The following AP4S1 variants were observed in gnomAD, a reference collection of about 807,000 sequenced individuals.
AP4S1 encodes the protein AP-4 complex subunit sigma-1.
AP4S1 carries 23 observed loss-of-function variants against 19.8 expected under a neutral mutation model. The observed-to-expected ratio is 1.16, with a 90% confidence interval of 0.84 to 1.65. The LOEUF (loss-of-function observed/expected upper bound fraction) is 1.65, where lower values mean the gene tolerates loss of function less well. Ranked by LOEUF, AP4S1 falls within the 40% of genes most tolerant of loss-of-function variation. The pLI is 0.00. For synonymous variants in AP4S1, 46 were observed against 54.1 expected (o/e 0.85, Z 0.66); for missense variants, 166 against 172.8 (o/e 0.96, Z 0.22).
At chr14:31,070,194 A>T (rs1202095947) in intron 3 of AP4S1, among the ~76,000 whole-genome samples, 2 of 152,046 alleles carry the variant, frequency 1.3e-5, no homozygotes, top group East Asian at 3.9e-4. Flanking sequence ...GGGTTTCACC[A>T]TCGAGGCCAA....
At chr14:31,064,181 T>C (rs969479550) in intron 1 of AP4S1, among the ~76,000 whole-genome samples, 4 of 152,190 alleles carry the variant, frequency 2.6e-5, no homozygotes, top group Admixed American at 6.5e-5. Flanking sequence ...CATGGATCCA[T>C]GCATGTGCTT....
At chr14:31,028,479 A>G (rs543559365) in intron 1 of AP4S1, among the ~76,000 whole-genome samples, 14 of 152,240 alleles carry the variant, frequency 9.2e-5, no homozygotes, top group Non-Finnish European at 1.5e-4. Flanking sequence ...TTAAAGTACT[A>G]TTTATCTTAG....
At chr14:31,052,043 G>A (rs1885826255) in intron 1 of AP4S1, among the ~76,000 whole-genome samples, 1 of 152,200 alleles carries the variant, frequency 6.6e-6, no homozygotes, top group Non-Finnish European at 1.5e-5. Flanking sequence ...GGCCAACGCA[G>A]GAGGATTACT....
At chr14:31,041,444 C>G (rs1255786240) in intron 1 of AP4S1, among the ~76,000 whole-genome samples, 1 of 152,170 alleles carries the variant, frequency 6.6e-6, no homozygotes, top group Non-Finnish European at 1.5e-5. Flanking sequence ...CCACCATGCC[C>G]AACAGGTTTG....
At chr14:31,042,577 TTCAA>T (rs936785465) in intron 1 of AP4S1, among the ~76,000 whole-genome samples, 5 of 152,294 alleles carry the variant, frequency 3.3e-5, no homozygotes, top group Non-Finnish European at 4.4e-5. Flanking sequence ...AACAAGTACT[TTCAA>T]TCAATCAATG....
At chr14:31,088,071 T>C (rs1261344357) in intron 5 of AP4S1, among the ~76,000 whole-genome samples, 1 of 152,108 alleles carries the variant, frequency 6.6e-6, no homozygotes, top group African/African-American at 2.4e-5. Flanking sequence ...GCCAGGGCCA[T>C]GGTGGGTGAT....
chr14:31,086,659 G>T (rs929402099), intron 5 of AP4S1, among the ~76,000 whole-genome samples: 1 of 151,956 alleles, frequency 6.6e-6, no homozygotes, highest in Non-Finnish European at 1.5e-5. Context: ...CAGGTGATCC[G>T]CCCCCTTTGG....
chr14:31,039,572 G>GTTTTTTTTTTTTT (rs1398903989), intron 1 of AP4S1, among the ~76,000 whole-genome samples: 1 of 115,808 alleles, frequency 8.6e-6, no homozygotes. Context: ...GTGTAGTTTT[G>GTTTTTTTTTTTTT]TTTTTTTTTT....
At chr14:31,029,973 C>T (rs1238939400) in intron 1 of AP4S1, among the ~76,000 whole-genome samples, 1 of 151,006 alleles carries the variant, frequency 6.6e-6, no homozygotes, top group African/African-American at 2.4e-5. Flanking sequence ...CTCTTTTTTT[C>T]TTTAATCTTT....
At chr14:31,077,723 G>GT (rs1182477589) in intron 4 of AP4S1, among the ~76,000 whole-genome samples, 89 of 147,136 alleles carry the variant, frequency 6.0e-4, no homozygotes, top group Non-Finnish European at 9.8e-4. Context: ...AGCCATTTTT[G>GT]TTTTTTTTCT....
intron 5 of AP4S1, among the ~76,000 whole-genome samples, chr14:31,087,307 C>A (rs1040886798): frequency 6.6e-6 from 1 of 152,036 alleles, no homozygotes; most frequent in Non-Finnish European, 1.5e-5. Flanking sequence ...TTTCTAGGGC[C>A]CTTGACTCTA....
chr14:31,038,011 T>C (rs1884879883), intron 1 of AP4S1, among the ~76,000 whole-genome samples: 1 of 152,216 alleles, frequency 6.6e-6, no homozygotes, highest in African/African-American at 2.4e-5. Context: ...CTACACTTTA[T>C]TGTGAAATTC....
At chr14:31,031,478 C>T (rs192566892) in intron 1 of AP4S1, among the ~76,000 whole-genome samples, 2 of 152,186 alleles carry the variant, frequency 1.3e-5, no homozygotes, top group African/African-American at 2.4e-5. Context: ...TTTTTCGTCA[C>T]GTCAATCATT....
intron 5 of AP4S1, among the ~76,000 whole-genome samples, chr14:31,091,270 G>A (rs1032715084): frequency 6.6e-6 from 1 of 152,114 alleles, no homozygotes; most frequent in Non-Finnish European, 1.5e-5. Context: ...AGGCACTAAG[G>A]CTTTCATTGC....
At chr14:31,062,620 C>T (rs1394076195) in intron 1 of AP4S1, among the ~76,000 whole-genome samples, 3 of 152,114 alleles carry the variant, frequency 2.0e-5, no homozygotes, top group Admixed American at 6.6e-5. Flanking sequence ...TAACAGATGG[C>T]GATGCTAAAG....
At chr14:31,083,331 C>A in intron 5 of AP4S1, 1 of 401,546 alleles carries the variant, frequency 2.5e-6, no homozygotes, top group Non-Finnish European at 4.9e-6. Flanking sequence ...GCATATCCAT[C>A]TGGCAAATTA....
upstream of AP4S1, chr14:31,025,381 A>C (rs886664055): frequency 1.8e-5 from 3 of 166,590 alleles, no homozygotes; most frequent in African/African-American, 7.4e-5. Flanking sequence ...GCAGCCCAGG[A>C]AAGAAGCGTG....
In AP4S1 at chr14:31,069,920, T is replaced by A. The variant is rs1886911462; in HGVS notation, c.216T>A (p.Asn72Lys). The A allele has an allele frequency of 6.2e-7, 1 of 1,610,210 alleles. No individual in the cohort carries two copies. ...YAALFIVVGV[N>K]DTENEMAIYE... is the part of the protein sequence containing the mutation. Reference sequence around the variant, plus strand: ...CTCTCTTCATTGTGGTTGGAGTTAATGACACTGAGGTAAGATAATAGAAGA... The same window carrying A: ...CTCTCTTCATTGTGGTTGGAGTTAAAGACACTGAGGTAAGATAATAGAAGA... The change falls in exon 3 of 6, where the codon AAT becomes AAA. Residue 72 changes from asparagine (N) to lysine (K), a missense_variant. Physicochemically the swap from Asn to Lys is moderately conservative, Grantham distance 94. Transcript: ENST00000542754.
intron 1 of AP4S1, among the ~76,000 whole-genome samples, chr14:31,055,905 A>G (rs1028438290): frequency 2.8e-5 from 4 of 143,324 alleles, no homozygotes; most frequent in Non-Finnish European, 6.0e-5. Flanking sequence ...GTGCAGTGGC[A>G]TGATCTCGAC....
Sources: allele counts gnomAD v4.1 joint callset (sites outside exome capture counted in the v4.1 genomes callset), GRCh38; gene constraint gnomAD v4.1.1; transcripts MANE v1.5; gene names NCBI Gene and HGNC (gene_info 2026-07-23, HGNC 2026-07-21).